FBXW10B: variants seen among roughly 807,000 people sequenced by gnomAD.
The protein encoded by FBXW10B is F-box and WD repeat domain containing protein 10B.
chr17:15,610,509 T>C, the FBXW10B span, among the ~76,000 whole-genome samples: 2 of 152,176 alleles, frequency 1.3e-5, no homozygotes, highest in African/African-American at 4.8e-5. Context: ...GCCCACTGTT[T>C]TACTTGGGCC....
chr17:15,568,999 C>T, the FBXW10B span: 2 of 1,215,706 alleles, frequency 1.6e-6, no homozygotes, highest in Non-Finnish European at 2.1e-6. Context: ...GTCTTCCACT[C>T]AACTGGCAGA....
chr17:15,575,880 G>A, the FBXW10B span, among the ~76,000 whole-genome samples: 1 of 152,308 alleles, frequency 6.6e-6, no homozygotes, highest in East Asian at 1.9e-4. Context: ...TTGGCCAGAT[G>A]TGTATCTAAA....
the FBXW10B span, chr17:15,588,962 T>C: frequency 1.2e-6 from 2 of 1,613,552 alleles, no homozygotes; most frequent in Admixed American, 3.3e-5. Context: ...AACATTTTCC[T>C]GTATACCTGC....
the FBXW10B span, chr17:15,574,183 T>A: frequency 4.1e-6 from 3 of 733,878 alleles, no homozygotes; most frequent in Non-Finnish European, 7.5e-6. Context: ...TTAGTTCTAG[T>A]CTGGGAGCAG....
chr17:15,573,254 AC>A, the FBXW10B span: 2 of 152,194 alleles, frequency 1.3e-5, no homozygotes, highest in African/African-American at 4.8e-5. Context: ...CACAGCCAGC[AC>A]CAACAGAAAT....
At chr17:15,609,638 C>A in the FBXW10B span, among the ~76,000 whole-genome samples, 1 of 151,896 alleles carries the variant, frequency 6.6e-6, no homozygotes, top group Non-Finnish European at 1.5e-5. Flanking sequence ...AACACCTCCT[C>A]GATCTATGGT....
chr17:15,611,130 T>TCTC, the FBXW10B span, among the ~76,000 whole-genome samples: 1 of 151,658 alleles, frequency 6.6e-6, no homozygotes, highest in Non-Finnish European at 1.5e-5. Context: ...TTCACACCAT[T>TCTC]CTCCTGCCTC....
At chr17:15,590,104 C>T in the FBXW10B span, among the ~76,000 whole-genome samples, 3 of 150,274 alleles carry the variant, frequency 2.0e-5, no homozygotes, top group South Asian at 2.1e-4. Flanking sequence ...CCGACCCCAC[C>T]GCTCATGAGC....
At chr17:15,611,028 T>C in the FBXW10B span, among the ~76,000 whole-genome samples, 66 of 150,276 alleles carry the variant, frequency 4.4e-4, 1 homozygote, top group East Asian at 0.011. Flanking sequence ...GTTTTCTTTT[T>C]TTTTTTTTTT....
At chr17:15,568,152 C>A in the FBXW10B span, among the ~76,000 whole-genome samples, 2 of 152,198 alleles carry the variant, frequency 1.3e-5, no homozygotes, top group Admixed American at 1.3e-4. Context: ...GGTCTTCATT[C>A]TCTTGGAATC....
the FBXW10B span, among the ~76,000 whole-genome samples, chr17:15,601,796 A>G: frequency 1.3e-5 from 2 of 152,178 alleles, no homozygotes; most frequent in East Asian, 1.9e-4. Flanking sequence ...CTCAAAACTT[A>G]TATACTATAG....
At chr17:15,596,793 G>A in the FBXW10B span, 2 of 1,236,128 alleles carry the variant, frequency 1.6e-6, no homozygotes, top group Non-Finnish European at 1.1e-6. Context: ...ATTCTAGAAG[G>A]ACTTCCCGTG....
the FBXW10B span, among the ~76,000 whole-genome samples, chr17:15,595,278 T>C: frequency 1.3e-5 from 2 of 151,826 alleles, no homozygotes; most frequent in Admixed American, 1.3e-4. Context: ...AGATGGAGGT[T>C]GCAGTGAGCC....
the FBXW10B span, among the ~76,000 whole-genome samples, chr17:15,606,362 C>A: frequency 6.9e-6 from 1 of 145,404 alleles, no homozygotes. Context: ...CCCGTCTCTA[C>A]AAAAAAATTC....
the FBXW10B span, among the ~76,000 whole-genome samples, chr17:15,599,788 A>G: frequency 6.6e-6 from 1 of 152,056 alleles, no homozygotes; most frequent in African/African-American, 2.4e-5. Context: ...GACAAAGCAG[A>G]ATGCTGAGAT....
At chr17:15,573,847 T>C in the FBXW10B span, 5 of 349,464 alleles carry the variant, frequency 1.4e-5, no homozygotes, top group Non-Finnish European at 2.4e-5. Flanking sequence ...AGACATTTTC[T>C]ATAATTTTTT....
At chr17:15,594,909 C>G in the FBXW10B span, 1 of 1,613,292 alleles carries the variant, frequency 6.2e-7, no homozygotes. Flanking sequence ...AAAGATACCA[C>G]TGTCTTCAAC....
At chr17:15,566,051 G>C in the FBXW10B span, 2 of 1,607,954 alleles carry the variant, frequency 1.2e-6, no homozygotes, top group South Asian at 1.1e-5. Flanking sequence ...ATACTGGTTC[G>C]TTTCACATCT....
the FBXW10B span, chr17:15,593,494 C>T: frequency 6.2e-7 from 1 of 1,614,180 alleles, no homozygotes; most frequent in Non-Finnish European, 8.5e-7. Flanking sequence ...TCGAGCACCT[C>T]TCTGGAAGGG....
Sources: gnomAD v4.1 joint callset for allele counts (sites outside exome capture counted in the v4.1 genomes callset) on GRCh38, gnomAD v4.1.1 for gene constraint, MANE v1.5 for transcripts, NCBI Gene and HGNC (gene_info 2026-07-23, HGNC 2026-07-21) for gene names.